Variants in MB21D2 observed in about 807,000 individuals in gnomAD.
MB21D2 encodes the protein Mab-21 domain containing 2.
MB21D2 carries 9 observed loss-of-function variants against 33.3 expected under a neutral mutation model. The observed-to-expected ratio is 0.27, with a 90% CI of 0.16 to 0.47. The LOEUF (loss-of-function observed/expected upper bound fraction) is 0.47, where lower values mean the gene tolerates loss of function less well. Among genes scored for constraint, MB21D2 ranks in the 20% least tolerant of loss-of-function variants. The pLI is 0.99. For synonymous variants in MB21D2, 241 were observed against 236.3 expected (o/e 1.02, Z -0.18); for missense variants, 540 against 624.6 (o/e 0.86, Z 1.44).
intron 1 of MB21D2, among the ~76,000 whole-genome samples, chr3:192,893,052 G>A (rs558913787): frequency 1.3e-5 from 2 of 152,098 alleles, no homozygotes; most frequent in Non-Finnish European, 2.9e-5. Flanking sequence ...GCTCAGGGCC[G>A]CCTTGGTGCC....
At chr3:192,847,057 G>A (rs113320995) in intron 1 of MB21D2, among the ~76,000 whole-genome samples, 1 of 152,246 alleles carries the variant, frequency 6.6e-6, no homozygotes. Context: ...CAGAGGCTCT[G>A]GAATACCTTG....
At chr3:192,885,809 G>A (rs981873354) in intron 1 of MB21D2, among the ~76,000 whole-genome samples, 1 of 152,032 alleles carries the variant, frequency 6.6e-6, no homozygotes, top group Admixed American at 6.5e-5. Flanking sequence ...AATGACCATG[G>A]CCCACCATTA....
intron 1 of MB21D2, among the ~76,000 whole-genome samples, chr3:192,847,028 A>G (rs1466526952): frequency 1.3e-5 from 2 of 152,222 alleles, no homozygotes; most frequent in Admixed American, 6.5e-5. Flanking sequence ...TTGGGGGAAG[A>G]CTCATCACCA....
chr3:192,894,202 C>T (rs990989550), intron 1 of MB21D2, among the ~76,000 whole-genome samples: 12 of 151,974 alleles, frequency 7.9e-5, no homozygotes, highest in Admixed American at 1.3e-4. Context: ...AATCTGGACT[C>T]AAAACGACCT....
chr3:192,866,882 G>C (rs1015811457), intron 1 of MB21D2, among the ~76,000 whole-genome samples: 2 of 151,934 alleles, frequency 1.3e-5, no homozygotes, highest in Admixed American at 1.3e-4. Flanking sequence ...CTCCCCTCCC[G>C]CTTCACACAC....
intron 1 of MB21D2, among the ~76,000 whole-genome samples, chr3:192,807,263 A>C (rs535674858): frequency 2.0e-5 from 3 of 151,976 alleles, no homozygotes; most frequent in African/African-American, 7.2e-5. Flanking sequence ...AAGTCACAAT[A>C]GGGTACAAAA....
chr3:192,820,795 C>T (rs778269932), intron 1 of MB21D2, among the ~76,000 whole-genome samples: 11 of 152,140 alleles, frequency 7.2e-5, no homozygotes, highest in African/African-American at 1.2e-4. Flanking sequence ...CACAGGGGCT[C>T]GCTCTGTCAC....
intron 1 of MB21D2, among the ~76,000 whole-genome samples, chr3:192,821,796 G>C (rs1477318145): frequency 6.6e-6 from 1 of 152,172 alleles, no homozygotes; most frequent in Non-Finnish European, 1.5e-5. Flanking sequence ...ATGATGGGCC[G>C]TCAGGGTCCT....
chr3:192,884,436 G>C (rs1249269924), intron 1 of MB21D2, among the ~76,000 whole-genome samples: 3 of 151,620 alleles, frequency 2.0e-5, no homozygotes, highest in Non-Finnish European at 4.4e-5. Flanking sequence ...GCGCGATCTA[G>C]GCTCACTGCA....
intron 1 of MB21D2, among the ~76,000 whole-genome samples, chr3:192,816,998 A>AT (rs1309635433): frequency 6.6e-6 from 1 of 152,210 alleles, no homozygotes; most frequent in Non-Finnish European, 1.5e-5. Context: ...ATGTAATTGT[A>AT]TTTTTAAAAT....
At chr3:192,911,160 G>A (rs887336146) in intron 1 of MB21D2, among the ~76,000 whole-genome samples, 1 of 152,044 alleles carries the variant, frequency 6.6e-6, no homozygotes, top group Non-Finnish European at 1.5e-5. Flanking sequence ...CCTGACCCAG[G>A]TTAAGTCCCA....
chr3:192,825,229 T>C (rs1434872618), intron 1 of MB21D2, among the ~76,000 whole-genome samples: 1 of 152,216 alleles, frequency 6.6e-6, no homozygotes, highest in African/African-American at 2.4e-5. Context: ...GCAGCCTGCA[T>C]GCTACTTTAC....
intron 1 of MB21D2, among the ~76,000 whole-genome samples, chr3:192,849,178 C>T (rs1264982742): frequency 1.3e-5 from 2 of 152,172 alleles, no homozygotes; most frequent in Admixed American, 6.5e-5. Flanking sequence ...CCCACCACTC[C>T]GTGCTCCCAT....
chr3:192,858,196 C>T (rs1712960796), intron 1 of MB21D2, among the ~76,000 whole-genome samples: 1 of 152,056 alleles, frequency 6.6e-6, no homozygotes, highest in Non-Finnish European at 1.5e-5. Context: ...AAAGTTAAGG[C>T]CAACATGTTT....
At chr3:192,893,294 G>A (rs1560253115) in intron 1 of MB21D2, among the ~76,000 whole-genome samples, 1 of 152,150 alleles carries the variant, frequency 6.6e-6, no homozygotes, top group Non-Finnish European at 1.5e-5. Flanking sequence ...ACATTTCCTT[G>A]AAATATAAAT....
intron 1 of MB21D2, among the ~76,000 whole-genome samples, chr3:192,804,377 C>T (rs1232152593): frequency 6.6e-6 from 1 of 150,466 alleles, no homozygotes; most frequent in Non-Finnish European, 1.5e-5. Context: ...TCAAGAAATA[C>T]TAAGTAGGTA....
chr3:192,816,606 G>C (rs560627342), intron 1 of MB21D2, among the ~76,000 whole-genome samples: 9 of 152,240 alleles, frequency 5.9e-5, no homozygotes, highest in Middle Eastern at 6.8e-3. Flanking sequence ...AGTGCTTCTT[G>C]CCGGTGAATT....
At chr3:192,911,705 C>A (rs2108656497) in intron 1 of MB21D2, among the ~76,000 whole-genome samples, 1 of 152,280 alleles carries the variant, frequency 6.6e-6, no homozygotes, top group East Asian at 1.9e-4. Flanking sequence ...AGACCCAGGA[C>A]TGTCGACAGT....
At chr3:192,870,420 C>T (rs1234028553) in intron 1 of MB21D2, among the ~76,000 whole-genome samples, 1 of 152,108 alleles carries the variant, frequency 6.6e-6, no homozygotes, top group Non-Finnish European at 1.5e-5. Context: ...GCCGGGCACA[C>T]TGGCTCATGT....
Sources: allele counts gnomAD v4.1 joint callset (sites outside exome capture counted in the v4.1 genomes callset), GRCh38; gene constraint gnomAD v4.1.1; transcripts MANE v1.5; gene names NCBI Gene and HGNC (gene_info 2026-07-23, HGNC 2026-07-21).